Variants in KCNK1 observed in about 807,000 individuals in gnomAD.
KCNK1 encodes potassium channel subfamily K member 1.
In KCNK1, 10 loss-of-function variants were observed where a neutral mutation model predicts 22.2. The observed-to-expected ratio is 0.45, with a 90% CI of 0.28 to 0.76. The LOEUF is 0.76. Ranked by LOEUF, KCNK1 falls within the 30% of genes least tolerant of loss-of-function variation. The pLI is 0.14. For missense variants in KCNK1, 378 were observed against 421.0 expected, an observed-to-expected ratio of 0.90 and a Z score of 0.89; for synonymous variants, 200 against 186.4, an observed-to-expected ratio of 1.07 and a Z score of -0.60.
At chr1:233,652,254 G>C (rs79022496) in intron 1 of KCNK1, among the ~76,000 whole-genome samples, 9,764 of 152,156 alleles carry the variant, frequency 0.064, 423 homozygotes, top group Non-Finnish European at 0.1. Flanking sequence ...CTATCTCAGA[G>C]TAAATTCTGG....
At chr1:233,647,564 G>C (rs1447071005) in intron 1 of KCNK1, among the ~76,000 whole-genome samples, 1 of 152,030 alleles carries the variant, frequency 6.6e-6, no homozygotes, top group Non-Finnish European at 1.5e-5. Context: ...TTCAGTCCTC[G>C]GTGCTCTCCT....
At chr1:233,630,810 G>A (rs1033877355) in intron 1 of KCNK1, 4 of 158,520 alleles carry the variant, frequency 2.5e-5, no homozygotes, top group Admixed American at 2.5e-4. Context: ...ACAGGTATGT[G>A]GAAATGTTTG....
intron 1 of KCNK1, among the ~76,000 whole-genome samples, chr1:233,659,059 A>G (rs904796442): frequency 6.6e-6 from 1 of 152,088 alleles, no homozygotes; most frequent in Non-Finnish European, 1.5e-5. Flanking sequence ...TGTTTACTTT[A>G]TAAACTTTTT....
rs563222386 is a variant in KCNK1, at chr1:233,614,590, C to A, written c.355+64C>A. On this transcript the variant is annotated intron_variant, in intron 1 of 2. Transcript: ENST00000366621. Reference sequence around the variant, plus strand: ...CTCGCCCACAACCCACACACCCCGGCCCCGGCGCCCCGGGCCCCTCTAACC... The same window carrying A: ...CTCGCCCACAACCCACACACCCCGGACCCGGCGCCCCGGGCCCCTCTAACC... The A allele has an allele frequency of 7.9e-3, 10,382 of 1,310,506 alleles. 62 individuals are homozygous for A. The highest frequency in any genetic ancestry group is 8.9e-3 in the Non-Finnish European group (8,553 of 963,060). The allele number at this position is 1,310,506 out of a possible 1,614,324, so 81.2% of individuals were successfully genotyped here.
At chr1:233,662,238 CCTTCTTCTTCTTCTTCTTCTTCTTCTT>C (rs147341553) in intron 1 of KCNK1, among the ~76,000 whole-genome samples, 2 of 149,460 alleles carry the variant, frequency 1.3e-5, no homozygotes, top group Admixed American at 6.7e-5. Flanking sequence ...TTCTTCTTCT[CCTTCTTCTTCTTCTTCTTCTTCTTCTT>C]CTTCTTCTCC....
chr1:233,641,882 G>A (rs930117958), intron 1 of KCNK1, among the ~76,000 whole-genome samples: 10 of 152,334 alleles, frequency 6.6e-5, no homozygotes, highest in South Asian at 4.1e-4. Context: ...GATTTTGAGT[G>A]TCTGCAGGGA....
intron 1 of KCNK1, among the ~76,000 whole-genome samples, chr1:233,657,942 T>A (rs560499590): frequency 7.2e-5 from 11 of 152,150 alleles, no homozygotes; most frequent in Non-Finnish European, 1.6e-4. Flanking sequence ...TATAAAGAAT[T>A]TGAATAATTG....
chr1:233,662,113 G>A (rs1221162445), intron 1 of KCNK1, among the ~76,000 whole-genome samples: 4 of 152,314 alleles, frequency 2.6e-5, no homozygotes, highest in South Asian at 2.1e-4. Context: ...AGCTGAAGTC[G>A]AGGACTGCAA....
In KCNK1 at chr1:233,642,912, G is replaced by T. The variant is rs945328323; in HGVS notation, c.356-23683G>T. On this transcript the variant is annotated intron_variant, in intron 1 of 2. Coordinates refer to ENST00000366621, the MANE Select transcript of KCNK1 (RefSeq NM_002245.4). ...GCCTCATGAGTAGCTGGGACTACAG[G>T]CATGCGCCACCGCACCCGGCTAATT... is the stretch of plus-strand genomic sequence containing the variant. Among the ~76,000 whole-genome samples, 3 of 151,588 alleles carry T rather than the reference G, an allele frequency of 2.0e-5. No individual in the cohort carries two copies. In the East Asian group the frequency reaches 5.8e-4, roughly 29 times the overall value.
intron 2 of KCNK1, among the ~76,000 whole-genome samples, chr1:233,670,732 AT>A (rs559385819): frequency 2.5e-3 from 377 of 152,324 alleles, no homozygotes; most frequent in Non-Finnish European, 4.2e-3. Flanking sequence ...TCAAGATGAG[AT>A]TTGGGTGGGG....
At chr1:233,659,194 T>C (rs1017198665) in intron 1 of KCNK1, among the ~76,000 whole-genome samples, 6 of 151,702 alleles carry the variant, frequency 4.0e-5, no homozygotes, top group African/African-American at 1.5e-4. Flanking sequence ...TTTTCAGTTT[T>C]TTTTTACTTT....
chr1:233,662,316 A>G (rs1017700275), intron 1 of KCNK1, among the ~76,000 whole-genome samples: 5 of 151,320 alleles, frequency 3.3e-5, no homozygotes, highest in Non-Finnish European at 7.4e-5. Flanking sequence ...TTTTGCATGT[A>G]TCAAGCTAAC....
chr1:233,642,087 CAGAG>C (rs147886856), intron 1 of KCNK1, among the ~76,000 whole-genome samples: 32,388 of 151,836 alleles, frequency 0.21, 3,703 homozygotes, highest in Middle Eastern at 0.27. Flanking sequence ...TTTAGGCAAA[CAGAG>C]GGAGGGCAGA....
At chr1:233,635,087 G>A (rs1657875232) in intron 1 of KCNK1, among the ~76,000 whole-genome samples, 1 of 152,078 alleles carries the variant, frequency 6.6e-6, no homozygotes, top group South Asian at 2.1e-4. Context: ...TCTCCTAATA[G>A]CCAAAACAGG....
At chr1:233,625,217 G>A (rs1204933674) in intron 1 of KCNK1, among the ~76,000 whole-genome samples, 1 of 152,166 alleles carries the variant, frequency 6.6e-6, no homozygotes, top group African/African-American at 2.4e-5. Context: ...GACCAAGCGG[G>A]GAAGCCCAGC....
intron 1 of KCNK1, among the ~76,000 whole-genome samples, chr1:233,652,176 G>A (rs1012836258): frequency 6.6e-6 from 1 of 152,172 alleles, no homozygotes; most frequent in Non-Finnish European, 1.5e-5. Flanking sequence ...CATGGGGGCT[G>A]AGACCTGTTT....
At chr1:233,632,185 A>G (rs1558110882) in intron 1 of KCNK1, among the ~76,000 whole-genome samples, 1 of 152,004 alleles carries the variant, frequency 6.6e-6, no homozygotes, top group East Asian at 1.9e-4. Context: ...AGCTCAGGGA[A>G]CTCTCTCATT....
chr1:233,623,888 G>A (rs1164175092), intron 1 of KCNK1, among the ~76,000 whole-genome samples: 2 of 152,090 alleles, frequency 1.3e-5, no homozygotes, highest in Admixed American at 6.5e-5. Context: ...ACCGCACCTT[G>A]CCAAAAAAGC....
chr1:233,642,117 T>G lies in KCNK1; in HGVS notation c.356-24478T>G, dbSNP rs185763885. ...GGAGGGCAGAGAGCTCCCCTGCGTC[T>G]TCTTCATTGTCTTCAGCTCAGCAAT... On this transcript the variant is annotated intron_variant, in intron 1 of 2. Coordinates refer to ENST00000366621, the MANE Select transcript of KCNK1 (RefSeq NM_002245.4). Among the ~76,000 whole-genome samples the G allele has an allele frequency of 1.9e-3, 290 of 152,312 alleles. 2 individuals carry two copies. Among genetic ancestry groups the G allele is most frequent in the African/African-American group, 3.5e-3 (145 of 41,572 alleles).
Sources: allele counts gnomAD v4.1 joint callset (sites outside exome capture counted in the v4.1 genomes callset), GRCh38; gene constraint gnomAD v4.1.1; transcripts MANE v1.5; gene names NCBI Gene and HGNC (gene_info 2026-07-23, HGNC 2026-07-21).